Variants in ANO6 observed in about 807,000 individuals in gnomAD.
ANO6 encodes anoctamin-6.
Under a neutral mutation model 117.5 loss-of-function variants are expected in ANO6, and 106 were observed. That is an observed-to-expected ratio of 0.90 (90% CI 0.77 to 1.06). The LOEUF is 1.06. Ranked by LOEUF, ANO6 falls within the 50% of genes least tolerant of loss-of-function variation. The probability of loss-of-function intolerance (pLI) is 0.00; values close to 1 mark genes in which losing one functional copy is unlikely to be tolerated. For missense variants in ANO6, 955 were observed against 1,121.1 expected, an observed-to-expected ratio of 0.85 and a Z score of 2.12; for synonymous variants, 367 against 385.1, an observed-to-expected ratio of 0.95 and a Z score of 0.55.
chr12:45,376,886 AAAG>A (rs199550835), intron 9 of ANO6, among the ~76,000 whole-genome samples: 30 of 146,964 alleles, frequency 2.0e-4, no homozygotes, highest in Admixed American at 9.3e-4. Flanking sequence ...TGAAAAAAAA[AAAG>A]AAGAAGAATG....
At chr12:45,409,133 G>GA (rs1220329596) in intron 15 of ANO6, among the ~76,000 whole-genome samples, 1 of 152,094 alleles carries the variant, frequency 6.6e-6, no homozygotes, top group Admixed American at 6.6e-5. Flanking sequence ...AAAAGTAGGA[G>GA]AAAAAAATAG....
intron 3 of ANO6, among the ~76,000 whole-genome samples, chr12:45,341,257 T>C (rs777458148): frequency 1.3e-5 from 2 of 152,154 alleles, no homozygotes; most frequent in Non-Finnish European, 2.9e-5. Context: ...GCAATACATA[T>C]TAAAGAACTT....
chr12:45,425,485 C>T (rs1943478434), intron 19 of ANO6, among the ~76,000 whole-genome samples: 3 of 152,106 alleles, frequency 2.0e-5, no homozygotes, highest in Middle Eastern at 3.4e-3. Flanking sequence ...TGAAAGTAAC[C>T]GGAGGGAAAA....
At chr12:45,222,854 C>A (rs1947425580) in intron 1 of ANO6, among the ~76,000 whole-genome samples, 1 of 152,222 alleles carries the variant, frequency 6.6e-6, no homozygotes, top group Non-Finnish European at 1.5e-5. Context: ...TCTGATCAGA[C>A]AGGCCTTGCT....
rs147388080 is a variant in ANO6 at position 45,259,904 on chromosome 12, C to G, written c.71-42110C>G. ...AAAGGCTGCAACAGCACTAGCCTCCCACAGGCACTGTAGGTCAGCTCATTC... is the reference window on the plus strand; with the variant it reads ...AAAGGCTGCAACAGCACTAGCCTCCGACAGGCACTGTAGGTCAGCTCATTC... On this transcript the variant is annotated intron_variant, in intron 1 of 19. Coordinates refer to ENST00000320560, the MANE Select transcript of ANO6 (RefSeq NM_001025356.3). Among the ~76,000 whole-genome samples, 99 of 152,360 alleles carry G rather than the reference C, an allele frequency of 6.5e-4. 1 individual carries two copies. The Middle Eastern group carries it at 0.01, about 16-fold the overall frequency.
At chr12:45,394,689 C>G (rs145181167) in intron 12 of ANO6, among the ~76,000 whole-genome samples, 2 of 152,206 alleles carry the variant, frequency 1.3e-5, no homozygotes, top group Admixed American at 6.5e-5. Context: ...GATTAAGAAA[C>G]TCATTCAAAA....
At chr12:45,331,489 T>A in intron 3 of ANO6, 66 bp downstream of exon 3, 1 of 1,389,832 alleles carries the variant, frequency 7.2e-7, no homozygotes, top group Non-Finnish European at 9.9e-7. Context: ...AACTGCTATT[T>A]TGTATAAGTA....
chr12:45,249,215 A>G (rs192729130), intron 1 of ANO6, among the ~76,000 whole-genome samples: 1 of 152,364 alleles, frequency 6.6e-6, no homozygotes, highest in African/African-American at 2.4e-5. Flanking sequence ...TGCAGCTTCC[A>G]TATTAAAGAA....
intron 9 of ANO6, among the ~76,000 whole-genome samples, chr12:45,375,356 T>G (rs1941977935): frequency 6.6e-6 from 1 of 152,136 alleles, no homozygotes; most frequent in Non-Finnish European, 1.5e-5. Flanking sequence ...AAAAACTACT[T>G]TAAAGTTCAT....
In ANO6 at chr12:45,330,119, C is replaced by T. The variant is rs148167469; in HGVS notation, c.151-1176C>T. On this transcript the variant is annotated intron_variant, in intron 2 of 19. Transcript: ENST00000320560. ...GATGAAGGTGCATTGAGATGGGTTA[C>T]ATCAGCAGCATTCATTCTGCTGGTG... is the stretch of plus-strand genomic sequence containing the variant. Among the ~76,000 whole-genome samples, 542 of 152,178 alleles carry T rather than the reference C, an allele frequency of 3.6e-3. 1 individual carries two copies. Among genetic ancestry groups the T allele is most frequent in the African/African-American group, 0.012 (514 of 41,544 alleles).
chr12:45,231,752 C>G (rs1947577859), intron 1 of ANO6, among the ~76,000 whole-genome samples: 1 of 152,086 alleles, frequency 6.6e-6, no homozygotes, highest in Non-Finnish European at 1.5e-5. Context: ...CTATAACGGG[C>G]ATATCACAGC....
At chr12:45,248,428 CTTTTTTTT>C (rs35185612) in intron 1 of ANO6, among the ~76,000 whole-genome samples, 3 of 120,876 alleles carry the variant, frequency 2.5e-5, no homozygotes, top group Non-Finnish European at 3.4e-5. Flanking sequence ...AAAAAGTAGA[CTTTTTTTT>C]TTTTTTTTTT....
chr12:45,327,006 A>G (rs190725859), intron 2 of ANO6, among the ~76,000 whole-genome samples: 165 of 152,294 alleles, frequency 1.1e-3, no homozygotes, highest in Admixed American at 3.1e-3. Context: ...ACTGAACCAC[A>G]TGGAATCATA....
At chr12:45,289,141 G>T (rs923766999) in intron 1 of ANO6, among the ~76,000 whole-genome samples, 2 of 148,660 alleles carry the variant, frequency 1.3e-5, no homozygotes, top group African/African-American at 4.9e-5. Context: ...CAAAGGGTAT[G>T]AATTATTTTT....
chr12:45,224,745 C>G (rs1168060410), intron 1 of ANO6, among the ~76,000 whole-genome samples: 1 of 152,164 alleles, frequency 6.6e-6, no homozygotes, highest in Non-Finnish European at 1.5e-5. Flanking sequence ...CAAGGGGTTG[C>G]AGCAGTCACA....
chr12:45,231,772 A>G (rs937419229), intron 1 of ANO6, among the ~76,000 whole-genome samples: 1 of 152,240 alleles, frequency 6.6e-6, no homozygotes, highest in Non-Finnish European at 1.5e-5. Context: ...CCTACAAATC[A>G]TAGAGGAGAC....
At chr12:45,335,776 T>C (rs1203611693) in intron 3 of ANO6, 1 of 152,014 alleles carries the variant, frequency 6.6e-6, no homozygotes, top group African/African-American at 2.4e-5. Context: ...TTACTGAAAA[T>C]TTTTGTTGCT....
At chr12:45,342,205 G>A (rs567462084) in intron 3 of ANO6, among the ~76,000 whole-genome samples, 6 of 152,248 alleles carry the variant, frequency 3.9e-5, no homozygotes, top group Non-Finnish European at 8.8e-5. Context: ...AACAAAATCC[G>A]AGAAGAGAGA....
intron 1 of ANO6, among the ~76,000 whole-genome samples, chr12:45,265,117 G>T (rs2137220781): frequency 6.6e-6 from 1 of 152,212 alleles, no homozygotes; most frequent in East Asian, 1.9e-4. Context: ...GGTTTTCCTG[G>T]ATTTATAGCT....
Sources: gnomAD v4.1 joint callset for allele counts (sites outside exome capture counted in the v4.1 genomes callset) on GRCh38, gnomAD v4.1.1 for gene constraint, MANE v1.5 for transcripts, NCBI Gene and HGNC (gene_info 2026-07-23, HGNC 2026-07-21) for gene names.